Variants in UBE2B observed in about 807,000 individuals in gnomAD.
The protein encoded by UBE2B is ubiquitin-conjugating enzyme E2 B.
A neutral mutation model predicts 24.6 loss-of-function variants in UBE2B; 11 were observed. That is an observed-to-expected ratio of 0.45 (90% confidence interval 0.28 to 0.74). UBE2B has a LOEUF of 0.74. Ranked by LOEUF, UBE2B falls within the 30% of genes least tolerant of loss-of-function variation. The pLI is 0.13. For synonymous variants in UBE2B, 68 were observed against 62.4 expected (o/e 1.09, Z -0.42); for missense variants, 78 against 185.6 (o/e 0.42, Z 3.37).
chr5:134,384,255 T>G (rs1758760810), intron 4 of UBE2B, among the ~76,000 whole-genome samples: 1 of 152,178 alleles, frequency 6.6e-6, no homozygotes, highest in Non-Finnish European at 1.5e-5. Context: ...AGGAGAGATG[T>G]GTTTCGTTTG....
intron 2 of UBE2B, among the ~76,000 whole-genome samples, chr5:134,376,340 A>AT (rs1206993709): frequency 0.025 from 148 of 5,882 alleles, 15 homozygotes; most frequent in African/African-American, 0.049. Flanking sequence ...AAAAAAAAAA[A>AT]AAAAAAAAAT....
At chr5:134,383,170 A>G (rs1363675970) in intron 4 of UBE2B, among the ~76,000 whole-genome samples, 1 of 152,222 alleles carries the variant, frequency 6.6e-6, no homozygotes, top group East Asian at 1.9e-4. Context: ...TCTCAAAAAA[A>G]TAAATATTCT....
chr5:134,389,044 C>T (rs562942795), intron 5 of UBE2B: 15 of 301,880 alleles, frequency 5.0e-5, no homozygotes, highest in South Asian at 2.2e-4. Context: ...CTCTGCCTCC[C>T]GGGTTCAAGT....
chr5:134,388,362 G>T lies in UBE2B; in HGVS notation c.279G>T (p.Gln93His). ...GTAGCATATGTTTAGATATCCTTCA[G>T]AATCGATGGAGTCCAACATATGATG... Reference protein sequence around the residue: ...ADGSICLDILQNRWSPTYDVS... With the variant: ...ADGSICLDILHNRWSPTYDVS... Residue 93 changes from glutamine (Q) to histidine (H), a missense_variant, in exon 5 of 6, where the codon CAG becomes CAT. Gln to His is a conservative substitution (Grantham distance 24). Transcript: ENST00000265339. 1 of 1,614,120 alleles carries T rather than the reference G, an allele frequency of 6.2e-7. No homozygotes were observed. The highest frequency in any genetic ancestry group is 8.5e-7 in the Non-Finnish European group (1 of 1,180,008).
At chr5:134,375,270 C>T (rs1758578602) in intron 2 of UBE2B, among the ~76,000 whole-genome samples, 1 of 152,146 alleles carries the variant, frequency 6.6e-6, no homozygotes, top group Admixed American at 6.6e-5. Flanking sequence ...TAAATTTTAC[C>T]TACTATGTAT....
intron 4 of UBE2B, 94 bp downstream of exon 4, chr5:134,380,902 C>A: frequency 2.6e-6 from 2 of 761,006 alleles, no homozygotes; most frequent in Non-Finnish European, 2.2e-6. Flanking sequence ...ACTGTTAGGG[C>A]TCACTTGTAG....
At chr5:134,376,338 A>ATATATAT (rs1276778610) in intron 2 of UBE2B, among the ~76,000 whole-genome samples, 90 of 4,346 alleles carry the variant, frequency 0.021, 10 homozygotes, top group African/African-American at 0.04. Context: ...AAAAAAAAAA[A>ATATATAT]AAAAAAAAAA....
Position 134,371,585 on chromosome 5 carries a change from A to G in UBE2B, c.-11A>G, listed in dbSNP as rs752678066. On this transcript the variant is annotated 5_prime_UTR_variant, in exon 1 of 6. Transcript: ENST00000265339. The stretch of plus-strand genomic sequence containing the variant: ...TTTTTTTTCAGACTGACCGCGGGGC[A>G]GCTGCGGAGCATGTCGACCCCGGCC... The G allele has an allele frequency of 2.5e-6, 4 of 1,611,188 alleles. No individual in the cohort carries two copies. The highest frequency in any genetic ancestry group is 2.5e-6 in the Non-Finnish European group (3 of 1,179,260).
rs34229417 is a variant in UBE2B at position 134,374,696 on chromosome 5, T to C, written c.125+233T>C. ...CAGGAGTTCACCAGCCTGGGCGATA[T>C]AGTGAGACAGTGAGACTCTGTCCCC... is the stretch of plus-strand genomic sequence containing the variant. On this transcript the variant is annotated intron_variant, in intron 2 of 5. Transcript: ENST00000265339. 2,247 of 491,282 alleles carry C rather than the reference T, an allele frequency of 4.6e-3. 23 individuals carry two copies. Among genetic ancestry groups the C allele is most frequent in the African/African-American group, 0.031 (1,563 of 51,094 alleles). 30.4% of individuals were successfully genotyped at this position (491,282 alleles called of 1,614,324 possible). A position where few individuals can be genotyped will look rare whatever the true frequency, so the allele number is the denominator to read the frequency against.
chr5:134,380,865 C>A (rs1428509624), intron 4 of UBE2B, 57 bp downstream of exon 4: 3 of 1,187,890 alleles, frequency 2.5e-6, no homozygotes, highest in East Asian at 2.4e-5. Flanking sequence ...TTGTTTCCCT[C>A]CTTTTAGCTC....
chr5:134,371,960 C>G (rs952278160), intron 1 of UBE2B, among the ~76,000 whole-genome samples: 4 of 152,258 alleles, frequency 2.6e-5, no homozygotes, highest in Admixed American at 1.3e-4. Context: ...CCGCCCGCCC[C>G]TGCACCCTGC....
rs184299705 is a variant in UBE2B, at chr5:134,391,922, T to G, written c.*1569T>G. 1.1e-4 allele frequency: 16 copies of G among 152,248 alleles called. No homozygotes were observed. Among genetic ancestry groups the G allele is most frequent in the African/African-American group, 3.9e-4 (16 of 41,454 alleles). The allele number at this position is 152,248 out of a possible 1,614,324, so 9.4% of individuals were successfully genotyped here. ...TTGAGGCTGCAGTGAGCTGTGATTA[T>G]GCCATTGCACTCCAGCCTGGGTGAC... On this transcript the variant is annotated 3_prime_UTR_variant, in exon 6 of 6. Coordinates refer to ENST00000265339, the MANE Select transcript of UBE2B (RefSeq NM_003337.4).
chr5:134,380,616 A>G, intron 3 of UBE2B, 103 bp from the exon 4 acceptor site: 1 of 701,430 alleles, frequency 1.4e-6, no homozygotes, highest in Non-Finnish European at 2.6e-6. Flanking sequence ...TTGACATACT[A>G]ACTTTTATGT....
intron 4 of UBE2B, among the ~76,000 whole-genome samples, chr5:134,381,396 C>T (rs556726074): frequency 6.6e-6 from 1 of 152,304 alleles, no homozygotes; most frequent in South Asian, 2.1e-4. Context: ...GCTGGGACGA[C>T]AGGTGTGGAC....
chr5:134,382,951 G>A (rs1037074688), intron 4 of UBE2B, among the ~76,000 whole-genome samples: 1 of 151,904 alleles, frequency 6.6e-6, no homozygotes, highest in Non-Finnish European at 1.5e-5. Context: ...TGGATCATGA[G>A]GTCAAGAGAT....
At chr5:134,388,454 T>G (rs1561683350) in intron 5 of UBE2B, 41 bp downstream of exon 5, 2 of 1,575,796 alleles carry the variant, frequency 1.3e-6, no homozygotes, top group Admixed American at 3.3e-5. Context: ...GTCAGTATTC[T>G]GTAGGATATA....
Position 134,391,375 on chromosome 5 carries a change from T to A in UBE2B, c.*1022T>A, listed in dbSNP as rs1308934446. ...GCTGAGTTGCTTCTTCTTGTGGAGA[T>A]TTTTTTTTTAATCTCCTGAGTTGTA... On this transcript the variant is annotated 3_prime_UTR_variant, in exon 6 of 6. Transcript: ENST00000265339. 6.6e-6 allele frequency: 1 copy of A among 150,466 alleles called. No homozygotes were observed. The highest frequency in any genetic ancestry group is 1.5e-5 in the Non-Finnish European group (1 of 67,362). 9.3% of individuals were successfully genotyped at this position (150,466 alleles called of 1,614,324 possible).
intron 1 of UBE2B, among the ~76,000 whole-genome samples, chr5:134,373,855 G>A (rs1758545879): frequency 6.6e-6 from 1 of 152,162 alleles, no homozygotes; most frequent in African/African-American, 2.4e-5. Flanking sequence ...TGGTGTATAT[G>A]TGCCACATTT....
rs1758564964 is a variant in UBE2B at position 134,374,480 on chromosome 5, A to C, written c.125+17A>C. ...TATATTTGGGTGAGTTGAAAGGTTT[A>C]ACAAATAATAGGTGTGTGCTGAATC... On this transcript the variant is annotated intron_variant, in intron 2 of 5. Coordinates refer to ENST00000265339, the MANE Select transcript of UBE2B (RefSeq NM_003337.4). 4 of 1,551,494 alleles carry C rather than the reference A, an allele frequency of 2.6e-6. No homozygotes were observed. Among genetic ancestry groups the C allele is most frequent in the Non-Finnish European group, 1.7e-6 (2 of 1,146,628 alleles).
Sources: gnomAD v4.1 joint callset for allele counts (sites outside exome capture counted in the v4.1 genomes callset) on GRCh38, gnomAD v4.1.1 for gene constraint, MANE v1.5 for transcripts, NCBI Gene and HGNC (gene_info 2026-07-23, HGNC 2026-07-21) for gene names.